The following ESPL1 variants were observed in gnomAD, a reference collection of about 807,000 sequenced individuals.
The protein encoded by ESPL1 is separin.
ESPL1 carries 50 observed loss-of-function variants against 217.2 expected under a neutral mutation model. The observed-to-expected ratio is 0.23, with a 90% CI of 0.18 to 0.29. ESPL1 has a LOEUF of 0.29. Ranked by LOEUF, ESPL1 falls within the 10% of genes least tolerant of loss-of-function variation. The probability of loss-of-function intolerance (pLI) is 1.00; values close to 1 mark genes in which losing one functional copy is unlikely to be tolerated. For missense variants in ESPL1, 1,834 were observed against 2,603.0 expected (o/e 0.70, Z 6.43); for synonymous variants, 994 against 1,081.3 (o/e 0.92, Z 1.58).
intron 12 of ESPL1, among the ~76,000 whole-genome samples, chr12:53,281,017 G>C (rs1040195759): frequency 2.0e-5 from 3 of 151,528 alleles, no homozygotes; most frequent in African/African-American, 7.3e-5. Context: ...GGTTAACCAA[G>C]TGTTAAATGG....
In ESPL1 at chr12:53,286,167, C is replaced by T. The variant is rs374347669; in HGVS notation, c.3431C>T (p.Pro1144Leu). The T allele has an allele frequency of 3.7e-6, 6 of 1,614,128 alleles. No homozygotes were observed. The East Asian group carries it at 8.9e-5, about 24-fold the overall frequency. The change falls in exon 18 of 31, where the codon CCC (proline) becomes CTC (leucine). Residue 1144 changes from proline to leucine, a missense_variant. Coordinates refer to ENST00000257934, the MANE Select transcript of ESPL1 (RefSeq NM_012291.5). This position sits in a 1 kb window ranked among gnomAD's most constrained non-coding sequence, Gnocchi z 5.3. Reference protein sequence around the residue: ...QPIPNFLSHSPTCDCSLCASP... With the variant: ...QPIPNFLSHSLTCDCSLCASP... ...ATACCCAACTTCCTGTCCCATTCAC[C>T]CACCTGTGACTGCTCGCTCTGCGCC...
Position 53,288,143 on chromosome 12 carries a change from G to T in ESPL1, c.4348G>T (p.Gly1450Cys). The T allele has an allele frequency of 6.2e-7, 1 of 1,613,620 alleles. No individual in the cohort carries two copies. The highest frequency in any genetic ancestry group is 8.5e-7 in the Non-Finnish European group (1 of 1,179,910). ...CCCAGGTAGTGCCCCTGGGAACCCT[G>T]GCCTGAATGGCAGGAGCCGGAGGGC... ...VAPGSAPGNP[G>C]LNGRSRRAKK... The change falls in exon 19 of 31, where the codon GGC (glycine) becomes TGC (cysteine). Residue 1450 changes from glycine to cysteine, a missense_variant. This residue lies in a region of ESPL1 where 681 missense variants were observed against 808.0 expected (regional missense o/e 0.84). Coordinates refer to ENST00000257934, the MANE Select transcript of ESPL1 (RefSeq NM_012291.5).
Position 53,292,238 on chromosome 12 carries a change from G to A in ESPL1, c.5797-40G>A, listed in dbSNP as rs936014080. 2 of 1,517,226 alleles carry A rather than the reference G, an allele frequency of 1.3e-6. No homozygotes were observed. The highest frequency in any genetic ancestry group is 1.4e-5 in the African/African-American group (1 of 73,090). The allele number at this position is 1,517,226 out of a possible 1,614,324, so 94.0% of individuals were successfully genotyped here. ...GAGATTGTTAGAGCTTGGGCCTCTT[G>A]GTGAGACAAGCATCCTAATCGCCAG... On this transcript the variant is annotated intron_variant, in intron 27 of 30. Transcript: ENST00000257934. The surrounding 1 kb of genome is among the most constrained non-coding windows in gnomAD (Gnocchi z 4.5).
At chr12:53,279,409 C>T (rs146270933) in intron 11 of ESPL1, among the ~76,000 whole-genome samples, 30 of 152,340 alleles carry the variant, frequency 2.0e-4, no homozygotes, top group East Asian at 1.7e-3. Flanking sequence ...AGACAAGCAA[C>T]TTAACCCATG....
chr12:53,285,612 G>A (rs539074298), intron 17 of ESPL1, among the ~76,000 whole-genome samples: 2 of 152,214 alleles, frequency 1.3e-5, no homozygotes, highest in Admixed American at 1.3e-4. Flanking sequence ...GGGAGGCTGA[G>A]GCAGGAGAAT....
intron 18 of ESPL1, 101 bp downstream of exon 18, chr12:53,287,013 C>T (rs950652564): frequency 8.5e-7 from 1 of 1,180,560 alleles, no homozygotes; most frequent in Non-Finnish European, 1.2e-6. Context: ...AATAGCTCCC[C>T]AGGGCCTAGT....
Position 53,285,909 on chromosome 12 carries a change from C to A in ESPL1, c.3188-15C>A. 3 of 1,508,646 alleles carry A rather than the reference C, an allele frequency of 2.0e-6. No individual in the cohort carries two copies. The highest frequency in any genetic ancestry group is 1.4e-5 in the African/African-American group (1 of 71,642). 93.5% of individuals were successfully genotyped at this position (1,508,646 alleles called of 1,614,324 possible). ...TTCTCCCCGTTTTGTAATTCTTGTT[C>A]TGCCTTCTCCCCAGAGTTTGGTGGG... On this transcript the variant is annotated splice_polypyrimidine_tract_variant and intron_variant, in intron 17 of 30. Transcript: ENST00000257934.
chr12:53,273,118 C>G (rs1943706761), intron 6 of ESPL1, among the ~76,000 whole-genome samples: 3 of 151,192 alleles, frequency 2.0e-5, no homozygotes, highest in Non-Finnish European at 2.9e-5. Context: ...TCACTGCAAC[C>G]TTTGCCTCAG....
In ESPL1 at chr12:53,268,760, C is replaced by T. The variant is rs766960012; in HGVS notation, c.-7C>T. The T allele has an allele frequency of 3.1e-6, 5 of 1,601,870 alleles. No individual in the cohort carries two copies. In the Admixed American group the frequency reaches 6.7e-5, roughly 22 times the overall value. ...ATTGGTCTCCTTTTCCCTAGCTCTC[C>T]GGTGTCATGAGGAGCTTCAAAAGAG... On this transcript the variant is annotated 5_prime_UTR_variant, in exon 2 of 31. Transcript: ENST00000257934.
rs762972827 is a variant in ESPL1, at chr12:53,283,379, C to T, written c.2921-3C>T. On this transcript the variant is annotated splice_region_variant and splice_polypyrimidine_tract_variant and intron_variant, in intron 15 of 30. Coordinates refer to ENST00000257934, the MANE Select transcript of ESPL1 (RefSeq NM_012291.5). ...GATGGTGGTCTTGTCTCTTTTGCTA[C>T]AGGTGAAAATCTGGTACAAAAATGG... is the stretch of plus-strand genomic sequence containing the variant. 1 of 1,613,940 alleles carries T rather than the reference C, an allele frequency of 6.2e-7. No individual in the cohort carries two copies. Among genetic ancestry groups the T allele is most frequent in the Non-Finnish European group, 8.5e-7 (1 of 1,179,914 alleles).
At chr12:53,283,623 T>C in intron 16 of ESPL1, 85 bp downstream of exon 16, 1 of 1,298,930 alleles carries the variant, frequency 7.7e-7, no homozygotes, top group Non-Finnish European at 1.1e-6. Context: ...GTTCCACAGA[T>C]TACATGCTAT....
At chr12:53,290,813 G>T in intron 24 of ESPL1, 28 bp from the exon 25 acceptor site, 1 of 1,566,696 alleles carries the variant, frequency 6.4e-7, no homozygotes, top group South Asian at 1.2e-5. Flanking sequence ...TTTCCTCTCT[G>T]ACTGAAGGGT....
intron 25 of ESPL1, among the ~76,000 whole-genome samples, 199 bp downstream of exon 25, chr12:53,291,195 G>A (rs752713953): frequency 3.3e-5 from 5 of 151,916 alleles, no homozygotes; most frequent in East Asian, 1.9e-4. Context: ...CCAGCTTCTC[G>A]GGAGGCTGTA....
intron 24 of ESPL1, among the ~76,000 whole-genome samples, 172 bp from the exon 25 acceptor site, chr12:53,290,669 A>C (rs1944038789): frequency 7.6e-4 from 1 of 1,310 alleles, no homozygotes; most frequent in African/African-American, 9.3e-4. Context: ...TGGATATTTA[A>C]AGATACGCAG....
chr12:53,273,836 GTTTTTTTTTTTTTT>G (rs71096001), intron 6 of ESPL1, among the ~76,000 whole-genome samples: 72 of 63,172 alleles, frequency 1.1e-3, no homozygotes, highest in Middle Eastern at 0.011. Flanking sequence ...TGGTTTTTTG[GTTTTTTTTTTTTTT>G]TTTTTTTTTT....
intron 6 of ESPL1, 127 bp downstream of exon 6, chr12:53,272,984 T>A: frequency 1.1e-6 from 1 of 877,104 alleles, no homozygotes; most frequent in South Asian, 1.7e-5. Flanking sequence ...CACCAGTATC[T>A]GGAGCAGTGT....
Position 53,293,396 on chromosome 12 carries a change from G to T in ESPL1, c.6285G>T (p.Gln2095His). Residue 2095 changes from glutamine (Q) to histidine (H), a missense_variant, in exon 31 of 31, where the codon CAG becomes CAT. Transcript: ENST00000257934. This position sits in a 1 kb window ranked among gnomAD's most constrained non-coding sequence, Gnocchi z 4.2. ...PGAPLLYYVN[Q>H]ARQAPRLKYL... Reference sequence around the variant, plus strand: ...CCCCCCTTCTCTACTATGTAAACCAGGCCCGCCAAGCTCCCCGACTCAAGT... The same window carrying T: ...CCCCCCTTCTCTACTATGTAAACCATGCCCGCCAAGCTCCCCGACTCAAGT... The T allele has an allele frequency of 6.2e-7, 1 of 1,614,130 alleles. No homozygotes were observed. The highest frequency in any genetic ancestry group is 8.5e-7 in the Non-Finnish European group (1 of 1,180,020).
chr12:53,269,834 G>A lies in ESPL1; in HGVS notation c.892G>A (p.Val298Ile). The A allele has an allele frequency of 1.9e-6, 3 of 1,614,232 alleles. No individual in the cohort carries two copies. The South Asian group carries it at 3.3e-5, about 18-fold the overall frequency. ...TAGCCTTCAGCTATGTCAGCTGGGG[G>A]TTAAGCTGCTGCAGGTTGGGGAGGA... ...APSLQLCQLGVKLLQVGEEGP... is the reference protein window; with the variant it reads ...APSLQLCQLGIKLLQVGEEGP... The change falls in exon 3 of 31, where the codon GTT (valine) becomes ATT (isoleucine). Residue 298 changes from valine (V) to isoleucine (I), a missense_variant. Val to Ile is a conservative substitution (Grantham distance 29). Transcript: ENST00000257934. This position sits in a 1 kb window ranked among gnomAD's most constrained non-coding sequence, Gnocchi z 6.7.
intron 6 of ESPL1, among the ~76,000 whole-genome samples, chr12:53,273,908 T>G (rs1943721045): frequency 8.5e-6 from 1 of 117,174 alleles, no homozygotes; most frequent in South Asian, 3.2e-4. Flanking sequence ...CAGGCTGGAG[T>G]GCAGTGGCAC....
Sources: gnomAD v4.1 joint callset for allele counts (sites outside exome capture counted in the v4.1 genomes callset) on GRCh38, gnomAD v4.1.1 for gene constraint, gnomAD v4.1.1 regional missense constraint, Gnocchi (gnomAD v3.1) non-coding constraint, MANE v1.5 for transcripts, NCBI Gene and HGNC (gene_info 2026-07-23, HGNC 2026-07-21) for gene names.